Variants in NUP155 observed in about 807,000 individuals in gnomAD.
NUP155 encodes nucleoporin 155, also known as nuclear pore complex protein Nup155.
In NUP155, 71 loss-of-function variants were observed where a neutral mutation model predicts 180.4. That is an observed-to-expected ratio of 0.39 (90% CI 0.33 to 0.48). The LOEUF is 0.48. NUP155 is among the 20% of genes least tolerant of loss of function. NUP155 has a pLI of 0.91. For synonymous variants in NUP155, 582 were observed against 559.5 expected, an observed-to-expected ratio of 1.04 and a Z score of -0.57; for missense variants, 1,553 against 1,648.9, an observed-to-expected ratio of 0.94 and a Z score of 1.01.
In NUP155 at chr5:37,336,422, T is replaced by C. The variant is rs112235683; in HGVS notation, c.1347+1396A>G. ...CTTGGGCCTGGGCAACAGGGTGAGA[T>C]GCTGTCTTTTAAAAGAGTAAAGAAA... On this transcript the variant is annotated intron_variant, in intron 12 of 34. Coordinates refer to ENST00000231498, the MANE Select transcript of NUP155 (RefSeq NM_153485.3). Among the ~76,000 whole-genome samples the C allele has an allele frequency of 2.1e-3, 312 of 152,028 alleles. 1 individual carries two copies. Among genetic ancestry groups the C allele is most frequent in the Non-Finnish European group, 3.7e-3 (251 of 67,984 alleles).
rs59150742 is a variant in NUP155 at position 37,322,207 on chromosome 5, G to C, written c.2207+1785C>G. Among the ~76,000 whole-genome samples the C allele has an allele frequency of 7.2e-3, 1,090 of 152,106 alleles. 16 individuals are homozygous for C. Among genetic ancestry groups the C allele is most frequent in the African/African-American group, 0.025 (1,026 of 41,522 alleles). On this transcript the variant is annotated intron_variant, in intron 20 of 34. Coordinates refer to ENST00000231498, the MANE Select transcript of NUP155 (RefSeq NM_153485.3). Reference sequence around the variant, plus strand: ...CTCCTATATTGCCCAGGCTGGTCTCGAACTCCTGGCTTCAAGCAATCCTCC... The same window carrying C: ...CTCCTATATTGCCCAGGCTGGTCTCCAACTCCTGGCTTCAAGCAATCCTCC...
At position 37,294,361 on chromosome 5, in the gene NUP155, G is replaced by C; in HGVS notation, c.3898C>G (p.Leu1300Val). The change falls in exon 33 of 35, where the codon CTA (leucine) becomes GTA (valine). Residue 1300 changes from leucine (L) to valine (V), a missense_variant. Transcript: ENST00000231498. Reference protein sequence around the residue: ...NEIGVPLPRLLEVYDQLFKSR... With the variant: ...NEIGVPLPRLVEVYDQLFKSR... ...TTGAACAACTGATCATAAACTTCTA[G>C]TAGTCTAGGTAATGGTACTCCAATT... The C allele has an allele frequency of 6.3e-7, 1 of 1,599,420 alleles. No homozygotes were observed.
At chr5:37,365,752 T>TATAGACACACAC (rs1403169370) in intron 1 of NUP155, among the ~76,000 whole-genome samples, 2 of 37,898 alleles carry the variant, frequency 5.3e-5, no homozygotes, top group Non-Finnish European at 8.9e-5. Context: ...TATATATATA[T>TATAGACACACAC]ACACACACAC....
At chr5:37,357,955 T>C in intron 4 of NUP155, 126 bp downstream of exon 4, 1 of 694,446 alleles carries the variant, frequency 1.4e-6, no homozygotes, top group Non-Finnish European at 2.7e-6. Context: ...ATTGCGCCAC[T>C]GCACTCCAGC....
intron 18 of NUP155, among the ~76,000 whole-genome samples, chr5:37,326,597 C>T (rs1034631861): frequency 6.6e-6 from 1 of 152,220 alleles, no homozygotes; most frequent in Non-Finnish European, 1.5e-5. Context: ...TAATCTTTGG[C>T]TGGCCTGCTG....
At chr5:37,336,127 CTT>C (rs1356008757) in intron 12 of NUP155, among the ~76,000 whole-genome samples, 2 of 151,992 alleles carry the variant, frequency 1.3e-5, no homozygotes, top group Non-Finnish European at 2.9e-5. Flanking sequence ...AAAAGTCCAC[CTT>C]TGTTTGAGAA....
intron 21 of NUP155, 62 bp downstream of exon 21, chr5:37,317,921 TTTCTA>T: frequency 1.2e-6 from 1 of 864,100 alleles, no homozygotes; most frequent in Non-Finnish European, 2.0e-6. Flanking sequence ...AGTCCATTGT[TTTCTA>T]TTCAAGTAAT....
intron 13 of NUP155, among the ~76,000 whole-genome samples, chr5:37,332,658 A>G (rs547579146): frequency 1.3e-5 from 2 of 152,264 alleles, no homozygotes; most frequent in Non-Finnish European, 2.9e-5. Flanking sequence ...CTTTTCAACT[A>G]TGACATATTT....
chr5:37,344,773 G>A (rs763349871), intron 9 of NUP155, among the ~76,000 whole-genome samples: 3 of 151,780 alleles, frequency 2.0e-5, no homozygotes, highest in Non-Finnish European at 4.4e-5. Context: ...CCGGGAGGCC[G>A]AGGCAGGAGA....
At chr5:37,358,225 TCC>T in intron 3 of NUP155, 74 bp from the exon 4 acceptor site, 2 of 1,072,972 alleles carry the variant, frequency 1.9e-6, no homozygotes, top group Non-Finnish European at 2.9e-6. Context: ...ATGTCTTTAA[TCC>T]CAGTACTTTG....
chr5:37,313,659 C>A (rs927272067), intron 22 of NUP155, among the ~76,000 whole-genome samples: 25 of 152,082 alleles, frequency 1.6e-4, no homozygotes, highest in African/African-American at 6.0e-4. Flanking sequence ...TGCCACCACA[C>A]TTGACTAATT....
chr5:37,340,595 G>A lies in NUP155; in HGVS notation c.1246+495C>T, dbSNP rs551371849. Among the ~76,000 whole-genome samples, 84 of 152,280 alleles carry A rather than the reference G, an allele frequency of 5.5e-4. 1 individual carries two copies. In the South Asian group the frequency reaches 6.0e-3, roughly 11 times the overall value. On this transcript the variant is annotated intron_variant, in intron 11 of 34. Transcript: ENST00000231498. ...GAGAATCCAGATTCCATACATTAAC[G>A]GGTAATTCACTTCAGACAGTAAGAT...
intron 20 of NUP155, among the ~76,000 whole-genome samples, chr5:37,323,414 C>G (rs1300997385): frequency 6.6e-6 from 1 of 152,058 alleles, no homozygotes; most frequent in Non-Finnish European, 1.5e-5. Flanking sequence ...ATACATGCTA[C>G]AACAATCAAA....
intron 23 of NUP155, among the ~76,000 whole-genome samples, chr5:37,310,002 C>T (rs898984096): frequency 3.3e-5 from 5 of 151,530 alleles, no homozygotes; most frequent in South Asian, 4.2e-4. Context: ...GAGCTGAGAT[C>T]GTACTCAGTC....
intron 24 of NUP155, among the ~76,000 whole-genome samples, chr5:37,308,734 G>A (rs1007504167): frequency 6.6e-6 from 1 of 151,040 alleles, no homozygotes; most frequent in Non-Finnish European, 1.5e-5. Flanking sequence ...TAAAAAATTA[G>A]CTGGGCGTGG....
Position 37,369,587 on chromosome 5 carries a change from ATGT to A in NUP155, c.157+1231_157+1233del, listed in dbSNP as rs779269708. Among the ~76,000 whole-genome samples the A allele has an allele frequency of 3.3e-5, 5 of 151,072 alleles. No individual in the cohort carries two copies. The South Asian group carries it at 8.3e-4, about 25-fold the overall frequency. On this transcript the variant is annotated intron_variant, in intron 1 of 34. Transcript: ENST00000231498. ...ACACCTAAGGAGGCCAAAATGAGTA[ATGT>A]TGTTCAAGATGATAATTGCTAATAG...
At position 37,331,895 on chromosome 5, in the gene NUP155, A is replaced by C. The variant is rs541372294; in HGVS notation, c.1519-100T>G. The C allele has an allele frequency of 9.9e-5, 78 of 787,036 alleles. 1 individual carries two copies. The highest frequency in any genetic ancestry group is 1.4e-4 in the Non-Finnish European group (64 of 456,966). 48.8% of individuals were successfully genotyped at this position (787,036 alleles called of 1,614,324 possible). A position where few individuals can be genotyped will look rare whatever the true frequency, so the allele number is the denominator to read the frequency against. On this transcript the variant is annotated intron_variant, in intron 13 of 34. Coordinates refer to ENST00000231498, the MANE Select transcript of NUP155 (RefSeq NM_153485.3). ...TGATAAAATAAATGAAACAAACAAA[A>C]AAAACCATTCAACAATACAAAGTAG... is the stretch of plus-strand genomic sequence containing the variant.
Position 37,304,732 on chromosome 5 carries a change from G to A in NUP155, c.3162+7C>T. The stretch of plus-strand genomic sequence containing the variant: ...AATTAACACAACTGCAATAAAAAAA[G>A]ATTTACCTGTAGCAGCTTATCTGCA... On this transcript the variant is annotated splice_region_variant and intron_variant, in intron 27 of 34. Coordinates refer to ENST00000231498, the MANE Select transcript of NUP155 (RefSeq NM_153485.3). The A allele has an allele frequency of 6.4e-7, 1 of 1,567,730 alleles. No individual in the cohort carries two copies. The highest frequency in any genetic ancestry group is 8.8e-7 in the Non-Finnish European group (1 of 1,138,300).
At chr5:37,368,208 C>CA (rs1747727974) in intron 1 of NUP155, among the ~76,000 whole-genome samples, 1 of 115,862 alleles carries the variant, frequency 8.6e-6, no homozygotes, top group African/African-American at 3.3e-5. Context: ...CAGCGCCAGG[C>CA]CTTTTTTTTT....
Sources: gnomAD v4.1 joint callset for allele counts (sites outside exome capture counted in the v4.1 genomes callset) on GRCh38, gnomAD v4.1.1 for gene constraint, MANE v1.5 for transcripts, NCBI Gene and HGNC (gene_info 2026-07-23, HGNC 2026-07-21) for gene names.